XKR4: variants seen among roughly 807,000 people sequenced by gnomAD.
The protein encoded by XKR4 is XK related 4.
XKR4 carries 12 observed loss-of-function variants against 53.9 expected under a neutral mutation model. The ratio of observed to expected loss-of-function variants is 0.22; its 90% CI spans 0.14 to 0.36. The LOEUF is 0.36. Among genes scored for constraint, XKR4 ranks in the 10% least tolerant of loss-of-function variants. The pLI, the probability that XKR4 is intolerant of heterozygous loss-of-function variation, is 1.00. For missense variants in XKR4, 799 were observed against 859.5 expected, an observed-to-expected ratio of 0.93 and a Z score of 0.88; for synonymous variants, 354 against 362.4, an observed-to-expected ratio of 0.98 and a Z score of 0.26.
chr8:55,399,950 G>C (rs1804574889), intron 2 of XKR4, among the ~76,000 whole-genome samples: 2 of 152,172 alleles, frequency 1.3e-5, no homozygotes, highest in South Asian at 2.1e-4. Context: ...AGTATCTCCA[G>C]GTTCTGCCCC....
In XKR4 at chr8:55,512,188, G is replaced by A. The variant is rs562363788; in HGVS notation, c.1007-11093G>A. 5.3e-5 allele frequency among the ~76,000 whole-genome samples: 8 copies of A among 152,232 alleles called. No individual in the cohort carries two copies. The East Asian group carries it at 1.5e-3, about 29-fold the overall frequency. Reference sequence around the variant, plus strand: ...CAGAAATTGCTTCCCCACCCTCACTGCCATCTTCACCCAAGTATTGAGATA... The same window carrying A: ...CAGAAATTGCTTCCCCACCCTCACTACCATCTTCACCCAAGTATTGAGATA... On this transcript the variant is annotated intron_variant, in intron 2 of 2. Coordinates refer to ENST00000327381, the MANE Select transcript of XKR4 (RefSeq NM_052898.2).
Position 55,385,280 on chromosome 8 carries a change from G to A in XKR4, c.1006+27403G>A, listed in dbSNP as rs185480823. Among the ~76,000 whole-genome samples the A allele has an allele frequency of 1.5e-4, 23 of 152,130 alleles. 1 individual carries two copies. Among genetic ancestry groups the A allele is most frequent in the South Asian group, 1.5e-3 (7 of 4,814 alleles). On this transcript the variant is annotated intron_variant, in intron 2 of 2. Transcript: ENST00000327381. ...CAAATACCACCTATGCAAAGGCTGC[G>A]GACAGGCTTCAGAACTCCAGCCTGT...
intron 1 of XKR4, among the ~76,000 whole-genome samples, chr8:55,355,036 T>G (rs1262546948): frequency 1.3e-5 from 2 of 152,046 alleles, no homozygotes; most frequent in South Asian, 2.1e-4. Context: ...CCCAAGTAGC[T>G]GGGATTACAG....
intron 1 of XKR4, among the ~76,000 whole-genome samples, chr8:55,278,385 A>G (rs763295662): frequency 1.3e-5 from 2 of 150,678 alleles, no homozygotes; most frequent in African/African-American, 2.4e-5. Context: ...TTATCTATTT[A>G]TTGTAAATAT....
chr8:55,450,943 G>A (rs2975987), intron 2 of XKR4: 74,707 of 486,022 alleles, frequency 0.15, 7,217 homozygotes, highest in East Asian at 0.38. Context: ...TCCAGCAAGC[G>A]CAGGAAGGAG....
chr8:55,329,614 A>G (rs569860489), intron 1 of XKR4, among the ~76,000 whole-genome samples: 1 of 152,306 alleles, frequency 6.6e-6, no homozygotes, highest in South Asian at 2.1e-4. Context: ...GATTCTAAAT[A>G]CCTAGTTCTT....
intron 1 of XKR4, among the ~76,000 whole-genome samples, chr8:55,300,849 T>A (rs1819183251): frequency 6.6e-6 from 1 of 152,006 alleles, no homozygotes; most frequent in Non-Finnish European, 1.5e-5. Context: ...CAGCTTTTGG[T>A]CTGGAAAGGA....
intron 2 of XKR4, among the ~76,000 whole-genome samples, chr8:55,469,191 A>G (rs1805832579): frequency 6.6e-6 from 1 of 152,122 alleles, no homozygotes; most frequent in Non-Finnish European, 1.5e-5. Context: ...CCAGGACTCA[A>G]TGTTGAAAAT....
At chr8:55,402,256 G>A (rs574689003) in intron 2 of XKR4, among the ~76,000 whole-genome samples, 191 of 152,344 alleles carry the variant, frequency 1.3e-3, no homozygotes, top group African/African-American at 4.1e-3. Context: ...CTGCCCCTGC[G>A]TGGAGGATAG....
chr8:55,200,754 C>CTA (rs1219699027), intron 1 of XKR4, among the ~76,000 whole-genome samples: 1 of 152,196 alleles, frequency 6.6e-6, no homozygotes, highest in Non-Finnish European at 1.5e-5. Flanking sequence ...GGCTGCTTGA[C>CTA]TATACATGAG....
intron 1 of XKR4, among the ~76,000 whole-genome samples, chr8:55,288,714 T>C (rs981750479): frequency 1.3e-5 from 2 of 152,176 alleles, no homozygotes; most frequent in African/African-American, 2.4e-5. Flanking sequence ...AGAGAGATCA[T>C]TGTATGCTTT....
chr8:55,449,454 A>G (rs1341408902), intron 2 of XKR4: 1 of 847,496 alleles, frequency 1.2e-6, no homozygotes, highest in Non-Finnish European at 1.9e-6. Flanking sequence ...TGCCCTGCCC[A>G]CCCCTAGTGG....
intron 1 of XKR4, among the ~76,000 whole-genome samples, chr8:55,130,731 G>C (rs1352969603): frequency 6.6e-6 from 1 of 152,170 alleles, no homozygotes; most frequent in Non-Finnish European, 1.5e-5. Flanking sequence ...GTAAGTTGTA[G>C]TGTATATGTG....
At chr8:55,165,076 G>T (rs1817048258) in intron 1 of XKR4, among the ~76,000 whole-genome samples, 1 of 152,158 alleles carries the variant, frequency 6.6e-6, no homozygotes, top group Non-Finnish European at 1.5e-5. Flanking sequence ...GGATGGGCAG[G>T]TCCCATAGAA....
At chr8:55,421,943 G>A (rs1306684959) in intron 2 of XKR4, among the ~76,000 whole-genome samples, 2 of 152,140 alleles carry the variant, frequency 1.3e-5, no homozygotes, top group Non-Finnish European at 2.9e-5. Flanking sequence ...GCTCCTGGGA[G>A]CCATTTGTCT....
intron 1 of XKR4, among the ~76,000 whole-genome samples, chr8:55,143,018 T>C (rs1398909035): frequency 1.3e-5 from 2 of 152,264 alleles, no homozygotes; most frequent in African/African-American, 2.4e-5. Context: ...AATGGTATTA[T>C]ACAAGATATA....
intron 2 of XKR4, among the ~76,000 whole-genome samples, chr8:55,424,627 T>C (rs990546029): frequency 6.6e-6 from 1 of 152,228 alleles, no homozygotes; most frequent in Non-Finnish European, 1.5e-5. Flanking sequence ...CAACCACACG[T>C]CAGTATCACA....
chr8:55,108,491 T>C (rs547703290), intron 1 of XKR4, among the ~76,000 whole-genome samples: 3 of 152,182 alleles, frequency 2.0e-5, no homozygotes, highest in Non-Finnish European at 4.4e-5. Flanking sequence ...ATCTATTGGC[T>C]TCACAGGCTT....
intron 1 of XKR4, among the ~76,000 whole-genome samples, chr8:55,123,782 T>C (rs1227281766): frequency 2.0e-5 from 3 of 152,250 alleles, no homozygotes; most frequent in Non-Finnish European, 2.9e-5. Context: ...AGCCATGATT[T>C]ATTGATTTAT....
Sources: allele counts gnomAD v4.1 joint callset (sites outside exome capture counted in the v4.1 genomes callset), GRCh38; gene constraint gnomAD v4.1.1; transcripts MANE v1.5; gene names NCBI Gene and HGNC (gene_info 2026-07-23, HGNC 2026-07-21).